The following AOX1 variants were observed in gnomAD, a reference collection of about 807,000 sequenced individuals.
AOX1 encodes aldehyde oxidase.
In AOX1, 153 loss-of-function variants were observed where a neutral mutation model predicts 169.5. The observed-to-expected ratio is 0.90, with a 90% CI of 0.79 to 1.03. The LOEUF (loss-of-function observed/expected upper bound fraction) is 1.03. AOX1 is among the 50% of genes least tolerant of loss of function. The probability of loss-of-function intolerance (pLI) is 0.00; values close to 1 mark genes in which losing one functional copy is unlikely to be tolerated. For synonymous variants in AOX1, 562 were observed against 581.9 expected, an observed-to-expected ratio of 0.97 and a Z score of 0.49; for missense variants, 1,656 against 1,663.9, an observed-to-expected ratio of 1.00 and a Z score of 0.08.
chr2:200,660,090 G>A (rs2035791483), intron 29 of AOX1, 21 bp downstream of exon 29: 2 of 1,591,150 alleles, frequency 1.3e-6, no homozygotes, highest in Non-Finnish European at 1.7e-6. Context: ...ATGGTTCTCT[G>A]TATTTTATTT....
chr2:200,675,007 T>C (rs1393297208), downstream of AOX1, among the ~76,000 whole-genome samples: 1 of 152,222 alleles, frequency 6.6e-6, no homozygotes, highest in Non-Finnish European at 1.5e-5. Context: ...GGGGATCTGC[T>C]TCACAGCAGC....
At chr2:200,680,942 G>C (rs1008058269), downstream of AOX1, among the ~76,000 whole-genome samples, 1 of 152,158 alleles carries the variant, frequency 6.6e-6, no homozygotes, top group South Asian at 2.1e-4. Flanking sequence ...ACCCTCCCAG[G>C]TCAGAACAAA....
chr2:200,629,579 A>T (rs2035072662), intron 20 of AOX1, among the ~76,000 whole-genome samples: 1 of 152,186 alleles, frequency 6.6e-6, no homozygotes, highest in Non-Finnish European at 1.5e-5. Context: ...ACAGCCCAGG[A>T]ACTGGTCTTA....
rs191662010 is a variant in AOX1 at position 200,627,562 on chromosome 2, G to T, written c.2221+113G>T. On this transcript the variant is annotated intron_variant, in intron 20 of 34. Transcript: ENST00000374700. ...CAGCCTAGGGGGGTGTTGCTCCTCA[G>T]GAACAGGCAGAACAGGCACCTCATT... is the stretch of plus-strand genomic sequence containing the variant. 2.4e-4 allele frequency: 174 copies of T among 728,354 alleles called. 1 individual carries two copies. The East Asian group carries it at 4.4e-3, about 19-fold the overall frequency. The allele number at this position is 728,354 out of a possible 1,614,324, so 45.1% of individuals were successfully genotyped here. A position where few individuals can be genotyped will look rare whatever the true frequency, so the allele number is the denominator to read the frequency against.
rs17636860 is a variant in AOX1 at position 200,616,069 on chromosome 2, C to T, written c.1704+6C>T. Reference sequence around the variant, plus strand: ...GCAGTACATTAAAGTACCAGGTGAGCGGTATTTCTTGTTTTTAAAAATTCA... The same window carrying T: ...GCAGTACATTAAAGTACCAGGTGAGTGGTATTTCTTGTTTTTAAAAATTCA... On this transcript the variant is annotated splice_donor_region_variant and intron_variant, in intron 16 of 34. Transcript: ENST00000374700. 5.2e-3 allele frequency: 8,335 copies of T among 1,599,680 alleles called. 460 individuals carry two copies. The Admixed American group carries it at 0.1, about 20-fold the overall frequency.
At chr2:200,635,477 GGAAA>G (rs58589725) in intron 21 of AOX1, among the ~76,000 whole-genome samples, 17,128 of 152,150 alleles carry the variant, frequency 0.11, 1,404 homozygotes, top group East Asian at 0.44. Context: ...GGAGAAATTA[GGAAA>G]GAGTTTGCTG....
chr2:200,597,395 A>G lies in AOX1; in HGVS notation c.201-2A>G. On this transcript the variant is annotated splice_acceptor_variant, in intron 3 of 34. Coordinates refer to ENST00000374700, the MANE Select transcript of AOX1 (RefSeq NM_001159.4). LOFTEE classifies it high-confidence loss of function. ...TTTGTGCTTTTCTTTTGCATTCTGA[A>G]GGCATCACCCAGCCAATGCCTGTCT... 1 of 1,599,160 alleles carries G rather than the reference A, an allele frequency of 6.3e-7. No homozygotes were observed. The highest frequency in any genetic ancestry group is 8.5e-7 in the Non-Finnish European group (1 of 1,171,648).
intron 2 of AOX1, among the ~76,000 whole-genome samples, chr2:200,593,758 CT>C (rs2034222968): frequency 6.6e-6 from 1 of 152,248 alleles, no homozygotes; most frequent in East Asian, 1.9e-4. Context: ...ATTTTTCCCC[CT>C]GGAGAGAGTA....
chr2:200,627,259 A>T, intron 19 of AOX1, 94 bp from the exon 20 acceptor site: 1 of 793,114 alleles, frequency 1.3e-6, no homozygotes, highest in East Asian at 2.5e-5. Context: ...AGGGAGAAAC[A>T]ACCCCTGCTC....
chr2:200,613,628 C>T (rs1178408093), intron 14 of AOX1, among the ~76,000 whole-genome samples, 176 bp from the exon 15 acceptor site: 6 of 152,088 alleles, frequency 3.9e-5, no homozygotes, highest in South Asian at 2.1e-4. Flanking sequence ...GAGGACATGG[C>T]GAGACCCAGG....
intron 20 of AOX1, among the ~76,000 whole-genome samples, chr2:200,631,022 AAG>A (rs1435465958): frequency 6.6e-6 from 1 of 152,220 alleles, no homozygotes; most frequent in Non-Finnish European, 1.5e-5. Flanking sequence ...GAAAAAAAGA[AAG>A]AAGATAGGTG....
Position 200,586,153 on chromosome 2 carries a change from G to A in AOX1, c.45G>A (p.Lys15=). 6.4e-7 allele frequency: 1 copy of A among 1,560,300 alleles called. No individual in the cohort carries two copies. Among genetic ancestry groups the A allele is most frequent in the Non-Finnish European group, 8.7e-7 (1 of 1,153,308 alleles). The change falls in exon 1 of 35, where the codon AAG becomes AAA. Residue 15 remains lysine (K), a splice_region_variant and synonymous_variant. Coordinates refer to ENST00000374700, the MANE Select transcript of AOX1 (RefSeq NM_001159.4). ...SELLFYVNGR[K]VIEKNVDPET... ...TGCTCTTCTACGTGAACGGCCGCAA[G>A]GTGAGCGCCCGCGGGCTTCCTCTGC...
At position 200,593,207 on chromosome 2, in the gene AOX1, T is replaced by A. The variant is rs764349293; in HGVS notation, c.103+4T>A. 1 of 1,612,688 alleles carries A rather than the reference T, an allele frequency of 6.2e-7. No individual in the cohort carries two copies. Among genetic ancestry groups the A allele is most frequent in the South Asian group, 1.1e-5 (1 of 91,044 alleles). On this transcript the variant is annotated splice_donor_region_variant and intron_variant, in intron 2 of 34. Coordinates refer to ENST00000374700, the MANE Select transcript of AOX1 (RefSeq NM_001159.4). Reference sequence around the variant, plus strand: ...TTGCCTTATTTGAGGAAGAAGCGTATCCTTTTCTTTACTTTGACTGTGTAT... The same window carrying A: ...TTGCCTTATTTGAGGAAGAAGCGTAACCTTTTCTTTACTTTGACTGTGTAT...
At chr2:200,659,403 C>G in intron 28 of AOX1, 110 bp downstream of exon 28, 3 of 1,241,770 alleles carry the variant, frequency 2.4e-6, no homozygotes, top group Non-Finnish European at 2.2e-6. Flanking sequence ...ATCTCCTTCC[C>G]CATCTTGCCC....
intron 27 of AOX1, among the ~76,000 whole-genome samples, chr2:200,657,847 A>G (rs888453703): frequency 1.3e-5 from 2 of 152,348 alleles, no homozygotes; most frequent in East Asian, 3.9e-4. Context: ...CAGTTTCACC[A>G]CATAGAATAA....
At chr2:200,655,815 T>C (rs370003668) in intron 26 of AOX1, among the ~76,000 whole-genome samples, 3 of 152,204 alleles carry the variant, frequency 2.0e-5, no homozygotes, top group African/African-American at 7.2e-5. Flanking sequence ...GGGCAGAGAA[T>C]TGATCTGGAA....
chr2:200,660,151 A>G, intron 29 of AOX1, 82 bp downstream of exon 29: 2 of 1,187,448 alleles, frequency 1.7e-6, no homozygotes, highest in South Asian at 1.3e-5. Flanking sequence ...ATTAATTGAA[A>G]TCTGTAGAAA....
intron 20 of AOX1, 57 bp from the exon 21 acceptor site, chr2:200,634,734 G>T (rs2035196352): frequency 6.2e-7 from 1 of 1,603,870 alleles, no homozygotes; most frequent in African/African-American, 1.3e-5. Context: ...ATACCTGGGG[G>T]ACGCTACCTG....
At chr2:200,593,465 A>G (rs972214159) in intron 2 of AOX1, among the ~76,000 whole-genome samples, 1 of 107,958 alleles carries the variant, frequency 9.3e-6, no homozygotes, top group Non-Finnish European at 2.0e-5. Context: ...AAAAGGACCT[A>G]ACTAAGCATC....
Sources: gnomAD v4.1 joint callset for allele counts (sites outside exome capture counted in the v4.1 genomes callset) on GRCh38, gnomAD v4.1.1 for gene constraint, MANE v1.5 for transcripts, NCBI Gene and HGNC (gene_info 2026-07-23, HGNC 2026-07-21) for gene names.